SLC30A5: variants seen among roughly 807,000 people sequenced by gnomAD.
SLC30A5 encodes the protein solute carrier family 30 member 5.
In SLC30A5, 33 loss-of-function variants were observed where a neutral mutation model predicts 79.6. The observed-to-expected ratio is 0.41, with a 90% confidence interval of 0.31 to 0.55. The LOEUF (loss-of-function observed/expected upper bound fraction) is 0.55. SLC30A5 is among the 20% of genes least tolerant of loss of function. The probability of loss-of-function intolerance (pLI) is 0.20; values close to 1 mark genes in which losing one functional copy is unlikely to be tolerated. For missense variants in SLC30A5, 788 were observed against 928.1 expected, an observed-to-expected ratio of 0.85 and a Z score of 1.96; for synonymous variants, 299 against 319.7, an observed-to-expected ratio of 0.94 and a Z score of 0.69.
chr5:69,115,655 T>C (rs528972143), intron 8 of SLC30A5, among the ~76,000 whole-genome samples: 4 of 152,240 alleles, frequency 2.6e-5, no homozygotes, highest in Admixed American at 2.0e-4. Context: ...AAGGAATCAT[T>C]TGAAGAAGGA....
At chr5:69,110,504 C>G (rs113123074) in intron 5 of SLC30A5, among the ~76,000 whole-genome samples, 4 of 152,200 alleles carry the variant, frequency 2.6e-5, no homozygotes, top group African/African-American at 2.4e-5. Context: ...GCATGGGCCA[C>G]TATTTAATCC....
In SLC30A5 at chr5:69,118,620, A is replaced by C. The variant is rs188223872; in HGVS notation, c.1561A>C (p.Met521Leu). Reference protein sequence around the residue: ...LIDPPELDTHMLTPVSVGGLI... With the variant: ...LIDPPELDTHLLTPVSVGGLI... ...TGATCCTCCAGAATTAGACACTCACATGTTAACAGTAAGTCTTTTTATTTT... is the reference window on the plus strand; with the variant it reads ...TGATCCTCCAGAATTAGACACTCACCTGTTAACAGTAAGTCTTTTTATTTT... The change falls in exon 12 of 16, where the codon ATG (methionine) becomes CTG (leucine). Residue 521 changes from methionine (M) to leucine (L), a missense_variant. Met to Leu is a conservative substitution (Grantham distance 15). This residue lies in a region of SLC30A5 where 626 missense variants were observed against 755.5 expected (regional missense o/e 0.83). Transcript: ENST00000396591. 1 of 1,580,544 alleles carries C rather than the reference A, an allele frequency of 6.3e-7. No homozygotes were observed. Among genetic ancestry groups the C allele is most frequent in the African/African-American group, 1.4e-5 (1 of 73,286 alleles).
At chr5:69,121,672 T>C in intron 12 of SLC30A5, 22 bp from the exon 13 acceptor site, 1 of 1,540,112 alleles carries the variant, frequency 6.5e-7, no homozygotes, top group Non-Finnish European at 8.8e-7. Flanking sequence ...AATTTAAAGG[T>C]TTTTTTTCTC....
At chr5:69,112,065 C>T (rs778448298) in intron 5 of SLC30A5, among the ~76,000 whole-genome samples, 34 of 151,986 alleles carry the variant, frequency 2.2e-4, no homozygotes, top group Admixed American at 7.9e-4. Context: ...TTTGGGAGAC[C>T]GAGGCGGGTG....
intron 1 of SLC30A5, 56 bp from the exon 2 acceptor site, chr5:69,100,751 A>G: frequency 1.3e-6 from 2 of 1,482,000 alleles, no homozygotes; most frequent in Non-Finnish European, 1.9e-6. Context: ...AACCAGATTG[A>G]TGAGCTGCTT....
chr5:69,115,211 T>C, intron 7 of SLC30A5, 26 bp from the exon 8 acceptor site: 1 of 1,567,376 alleles, frequency 6.4e-7, no homozygotes, highest in Non-Finnish European at 8.7e-7. Flanking sequence ...GTGTTTCTAA[T>C]GAGACTTATC....
At chr5:69,115,702 C>T (rs1284919239) in intron 8 of SLC30A5, among the ~76,000 whole-genome samples, 5 of 152,232 alleles carry the variant, frequency 3.3e-5, no homozygotes, top group Admixed American at 2.0e-4. Context: ...GATTGTGTGT[C>T]GCCTAGTGTT....
chr5:69,111,745 A>G (rs1746239416), intron 5 of SLC30A5, among the ~76,000 whole-genome samples: 1 of 152,240 alleles, frequency 6.6e-6, no homozygotes, highest in South Asian at 2.1e-4. Context: ...AAGAAATTTA[A>G]AAGTACATGG....
At chr5:69,104,557 A>G in intron 3 of SLC30A5, 74 bp from the exon 4 acceptor site, 1 of 1,449,978 alleles carries the variant, frequency 6.9e-7, no homozygotes, top group Admixed American at 2.6e-5. Context: ...ATCTTTCTGT[A>G]TTTTATTTAA....
intron 4 of SLC30A5, among the ~76,000 whole-genome samples, chr5:69,106,751 A>G (rs35884229): frequency 0.24 from 36,253 of 152,132 alleles, 4,780 homozygotes; most frequent in East Asian, 0.33. Context: ...TAACCTTAGC[A>G]TACTTTACTC....
chr5:69,099,217 C>T (rs1267767379), intron 1 of SLC30A5, among the ~76,000 whole-genome samples: 4 of 152,202 alleles, frequency 2.6e-5, no homozygotes, highest in African/African-American at 9.7e-5. Context: ...AAAATAATTT[C>T]CTGTTTACCT....
At chr5:69,125,157 A>T (rs1266489485) in intron 14 of SLC30A5, among the ~76,000 whole-genome samples, 1 of 152,098 alleles carries the variant, frequency 6.6e-6, no homozygotes, top group Non-Finnish European at 1.5e-5. Context: ...TGGGAGGCTG[A>T]GGTGAGCAGA....
chr5:69,100,249 T>G (rs1453617529), intron 1 of SLC30A5, among the ~76,000 whole-genome samples: 2 of 152,150 alleles, frequency 1.3e-5, no homozygotes, highest in Non-Finnish European at 2.9e-5. Flanking sequence ...ATTACAGGCA[T>G]GAGCGCCCAG....
At chr5:69,104,582 G>T in intron 3 of SLC30A5, 49 bp from the exon 4 acceptor site, 1 of 1,466,440 alleles carries the variant, frequency 6.8e-7, no homozygotes, top group Non-Finnish European at 9.1e-7. Context: ...TGGATATATA[G>T]CAAAATATAT....
chr5:69,108,625 C>G (rs1043428027), intron 5 of SLC30A5, among the ~76,000 whole-genome samples, 189 bp downstream of exon 5: 2 of 152,074 alleles, frequency 1.3e-5, no homozygotes, highest in Non-Finnish European at 2.9e-5. Flanking sequence ...AGCTTGAGAC[C>G]AGCCTAGCCA....
At position 69,108,922 on chromosome 5, in the gene SLC30A5, T is replaced by C. The variant is rs192906709; in HGVS notation, c.447+486T>C. ...GAAGAATTCTATAAGTTTACAAAAATAGATATTTGTGAAAATATAATCCGT... is the reference window on the plus strand; with the variant it reads ...GAAGAATTCTATAAGTTTACAAAAACAGATATTTGTGAAAATATAATCCGT... On this transcript the variant is annotated intron_variant, in intron 5 of 15. Coordinates refer to ENST00000396591, the MANE Select transcript of SLC30A5 (RefSeq NM_022902.5). 3.5e-3 allele frequency among the ~76,000 whole-genome samples: 533 copies of C among 151,986 alleles called. 7 individuals carry two copies. Among genetic ancestry groups the C allele is most frequent in the African/African-American group, 0.012 (490 of 41,418 alleles).
At chr5:69,121,978 T>C in intron 13 of SLC30A5, 83 bp downstream of exon 13, 1 of 1,139,842 alleles carries the variant, frequency 8.8e-7, no homozygotes, top group Non-Finnish European at 1.2e-6. Context: ...AGTTTTGGGC[T>C]TCTGGTATGA....
chr5:69,099,962 A>G, intron 1 of SLC30A5, among the ~76,000 whole-genome samples: 1 of 152,186 alleles, frequency 6.6e-6, no homozygotes, highest in East Asian at 1.9e-4. Context: ...GTATACCAAA[A>G]TGTTGTGGTT....
intron 5 of SLC30A5, 83 bp downstream of exon 5, chr5:69,108,519 A>G: frequency 9.2e-7 from 1 of 1,088,600 alleles, no homozygotes; most frequent in East Asian, 2.4e-5. Flanking sequence ...CTTATCTTTC[A>G]CCATTTAAAA....
Sources: gnomAD v4.1 joint callset for allele counts (sites outside exome capture counted in the v4.1 genomes callset) on GRCh38, gnomAD v4.1.1 for gene constraint, gnomAD v4.1.1 regional missense constraint, MANE v1.5 for transcripts, NCBI Gene and HGNC (gene_info 2026-07-23, HGNC 2026-07-21) for gene names.